Variants in C18orf54 observed in about 807,000 individuals in gnomAD.
C18orf54 encodes the protein chromosome 18 open reading frame 54.
A neutral mutation model predicts 49.3 loss-of-function variants in C18orf54; 49 were observed. The observed-to-expected ratio is 0.99, with a 90% CI of 0.79 to 1.26. The LOEUF is 1.26. Ranked by LOEUF, C18orf54 falls within the 50% of genes most tolerant of loss-of-function variation. The pLI is 0.00. For synonymous variants in C18orf54, 211 were observed against 216.6 expected, an observed-to-expected ratio of 0.97 and a Z score of 0.23; for missense variants, 687 against 620.6, an observed-to-expected ratio of 1.11 and a Z score of -1.14.
In C18orf54 at chr18:54,360,525, A is replaced by G. The variant is rs1282016693; in HGVS notation, c.-46-2A>G. 6.3e-7 allele frequency: 1 copy of G among 1,581,760 alleles called. No homozygotes were observed. The highest frequency in any genetic ancestry group is 8.6e-7 in the Non-Finnish European group (1 of 1,161,566). ...TCTTAACATTTCGTTTTTGTATTAC[A>G]GTTGTTTTTAAGGGAAATGAATAGA... On this transcript the variant is annotated splice_acceptor_variant, in intron 2 of 8. Coordinates refer to ENST00000620105, the MANE Select transcript of C18orf54 (RefSeq NM_001288980.2). LOFTEE classifies it low-confidence loss of function (5UTR_SPLICE).
At chr18:54,365,625 T>C in intron 5 of C18orf54, 94 bp from the exon 6 acceptor site, 3 of 627,046 alleles carry the variant, frequency 4.8e-6, no homozygotes, top group Non-Finnish European at 8.3e-6. Context: ...TGGTGACTAC[T>C]TGTATTTAAA....
chr18:54,375,068 C>G, intron 8 of C18orf54, among the ~76,000 whole-genome samples: 1 of 151,940 alleles, frequency 6.6e-6, no homozygotes, highest in Admixed American at 6.5e-5. Flanking sequence ...TTACTTTTTT[C>G]TCTCTACTTA....
rs919615015 is a variant in C18orf54 at position 54,361,942 on chromosome 18, C to T, written c.583C>T (p.Gln195Ter). Residue 195 changes from glutamine to a stop codon, truncating the protein, a stop_gained, in exon 4 of 9, where the codon CAA (glutamine) becomes TAA (stop). Coordinates refer to ENST00000620105, the MANE Select transcript of C18orf54 (RefSeq NM_001288980.2). LOFTEE classifies it high-confidence loss of function. ...TATACGCTCAAATATAAATGGAAAG[C>T]AATGTGGTAGGCTGAAAAACCCAAA... Reference protein sequence around the residue: ...PVIRSNINGKQCGRLKNPKLM... With the variant: ...PVIRSNINGK 3 of 1,613,960 alleles carry T rather than the reference C, an allele frequency of 1.9e-6. No individual in the cohort carries two copies. Among genetic ancestry groups the T allele is most frequent in the Non-Finnish European group, 1.7e-6 (2 of 1,179,984 alleles).
In C18orf54 at chr18:54,362,338, G is replaced by T. The variant is rs1047538663; in HGVS notation, c.979G>T (p.Glu327Ter). 4 of 1,535,826 alleles carry T rather than the reference G, an allele frequency of 2.6e-6. No homozygotes were observed. The African/African-American group carries it at 5.5e-5, about 21-fold the overall frequency. Residue 327 changes from glutamate to a stop codon, truncating the protein, a stop_gained, in exon 4 of 9, where the codon GAA (glutamate) becomes TAA (stop). Coordinates refer to ENST00000620105, the MANE Select transcript of C18orf54 (RefSeq NM_001288980.2). LOFTEE classifies it high-confidence loss of function. ...NFSNSLSDDK[E>*]LVNEYKCDFE... The stretch of plus-strand genomic sequence containing the variant: ...TTCAAATTCCTTGAGTGATGATAAA[G>T]AATTAGTTAATGAATACAAATGTGA...
At chr18:54,359,807 G>A (rs570960142) in intron 2 of C18orf54, among the ~76,000 whole-genome samples, 1 of 152,274 alleles carries the variant, frequency 6.6e-6, no homozygotes, top group African/African-American at 2.4e-5. Flanking sequence ...TGGAAAAACA[G>A]AAGAACACAT....
At chr18:54,375,806 A>G (rs1052698107) in intron 8 of C18orf54, among the ~76,000 whole-genome samples, 2 of 152,040 alleles carry the variant, frequency 1.3e-5, no homozygotes, top group South Asian at 4.1e-4. Flanking sequence ...TTAGTTATTA[A>G]TTCTGTTGTA....
chr18:54,374,271 A>C lies in C18orf54; in HGVS notation c.1516A>C (p.Arg506=). Residue 506 remains arginine (R), a synonymous_variant, in exon 8 of 9, where the codon AGG becomes CGG. Transcript: ENST00000620105. ...QLKESMIPIT[R]SLQKALHHLS... ...GAAGGAAAGTATGATTCCTATTACTAGGTCACTTCAGAAGTAAGTATTCTT... is the reference window on the plus strand; with the variant it reads ...GAAGGAAAGTATGATTCCTATTACTCGGTCACTTCAGAAGTAAGTATTCTT... 6.3e-7 allele frequency: 1 copy of C among 1,582,740 alleles called. No individual in the cohort carries two copies. Among genetic ancestry groups the C allele is most frequent in the Non-Finnish European group, 8.6e-7 (1 of 1,163,996 alleles).
At chr18:54,363,800 A>T (rs569183799) in intron 5 of C18orf54, 1 of 114,832 alleles carries the variant, frequency 8.7e-6, no homozygotes, top group East Asian at 2.5e-4. Context: ...AGAGTCTATT[A>T]GTTCCTGGAT....
chr18:54,381,955 TATTG>T lies in C18orf54; in HGVS notation c.*3720_*3723del, dbSNP rs1025219320. ...CTGCATTTTACATAGTGGTTTTAAA[TATTG>T]ATTGATTGATATTCTAAACCTGGTT... On this transcript the variant is annotated 3_prime_UTR_variant, in exon 9 of 9. Coordinates refer to ENST00000620105, the MANE Select transcript of C18orf54 (RefSeq NM_001288980.2). 24 of 152,346 alleles carry T rather than the reference TATTG, an allele frequency of 1.6e-4. No homozygotes were observed. Among genetic ancestry groups the T allele is most frequent in the African/African-American group, 4.6e-4 (19 of 41,580 alleles). The allele number at this position is 152,346 out of a possible 1,614,324, so 9.4% of individuals were successfully genotyped here.
rs1441752264 is a variant in C18orf54, at chr18:54,358,060, G to A, written c.-159G>A. On this transcript the variant is annotated 5_prime_UTR_variant, in exon 1 of 9. Transcript: ENST00000620105. ...TGGGTAACAGGCCTGAGCTTTCGGC[G>A]GAGAGCTGTGGAAGTGTGCGGTTTT... 6.5e-6 allele frequency: 1 copy of A among 152,756 alleles called. No homozygotes were observed. Among genetic ancestry groups the A allele is most frequent in the Non-Finnish European group, 1.5e-5 (1 of 68,428 alleles). The allele number at this position is 152,756 out of a possible 1,614,324, so 9.5% of individuals were successfully genotyped here.
Position 54,357,979 on chromosome 18 carries a change from G to A in C18orf54, c.-240G>A. ...TGACTGCGGAGGAAGCTGCGAGTGA[G>A]CCGAGCCTGAGGCGGGGCGGTGTCC... On this transcript the variant is annotated 5_prime_UTR_variant, in exon 1 of 9. Coordinates refer to ENST00000620105, the MANE Select transcript of C18orf54 (RefSeq NM_001288980.2). 6.5e-6 allele frequency: 1 copy of A among 152,912 alleles called. No homozygotes were observed. Among genetic ancestry groups the A allele is most frequent in the Non-Finnish European group, 1.5e-5 (1 of 68,376 alleles). The allele number at this position is 152,912 out of a possible 1,614,324, so 9.5% of individuals were successfully genotyped here. A position where few individuals can be genotyped will look rare whatever the true frequency, so the allele number is the denominator to read the frequency against.
chr18:54,358,489 G>A (rs936404792), intron 1 of C18orf54: 5 of 152,502 alleles, frequency 3.3e-5, no homozygotes, highest in African/African-American at 4.8e-5. Flanking sequence ...ACTTGTCTGT[G>A]TCTGTGACTG....
chr18:54,360,467 ATTTTGT>A, intron 2 of C18orf54, 54 bp from the exon 3 acceptor site: 1 of 1,084,106 alleles, frequency 9.2e-7, no homozygotes, highest in Non-Finnish European at 1.3e-6. Context: ...ATATTTAGTA[ATTTTGT>A]TTGTGTATGG....
intron 8 of C18orf54, 41 bp downstream of exon 8, chr18:54,374,325 C>G: frequency 6.6e-7 from 1 of 1,515,282 alleles, no homozygotes; most frequent in Non-Finnish European, 8.8e-7. Context: ...TCCATCTTAG[C>G]CATTTCTTTG....
intron 3 of C18orf54, among the ~76,000 whole-genome samples, chr18:54,361,340 A>G (rs2089265411): frequency 6.6e-6 from 1 of 152,212 alleles, no homozygotes; most frequent in Non-Finnish European, 1.5e-5. Context: ...GACCAATGTT[A>G]CTGTGATTGT....
Position 54,362,768 on chromosome 18 carries a change from T to C in C18orf54, c.1073-3T>C. ...AGGATTAATAGTCATCTTTTACAAT[T>C]AGGTGACAAAATTGAATTGCTTATC... On this transcript the variant is annotated splice_region_variant and splice_polypyrimidine_tract_variant and intron_variant, in intron 4 of 8. Transcript: ENST00000620105. 1 of 1,601,402 alleles carries C rather than the reference T, an allele frequency of 6.2e-7. No homozygotes were observed. Among genetic ancestry groups the C allele is most frequent in the Non-Finnish European group, 8.5e-7 (1 of 1,176,844 alleles).
At chr18:54,376,199 G>C (rs1207719122) in intron 8 of C18orf54, among the ~76,000 whole-genome samples, 1 of 152,168 alleles carries the variant, frequency 6.6e-6, no homozygotes, top group Non-Finnish European at 1.5e-5. Context: ...TGGCTATCCA[G>C]TTTTAAGATA....
chr18:54,369,028 G>A (rs2089438431), intron 6 of C18orf54, among the ~76,000 whole-genome samples: 1 of 152,042 alleles, frequency 6.6e-6, no homozygotes, highest in Non-Finnish European at 1.5e-5. Context: ...ATGGTTCTTT[G>A]TATTGGAAAA....
intron 8 of C18orf54, among the ~76,000 whole-genome samples, chr18:54,376,250 C>A (rs2089567952): frequency 6.6e-6 from 1 of 152,178 alleles, no homozygotes; most frequent in East Asian, 1.9e-4. Flanking sequence ...AGTAGTCTGG[C>A]CTTGTCTAGT....
Sources: allele counts gnomAD v4.1 joint callset (sites outside exome capture counted in the v4.1 genomes callset), GRCh38; gene constraint gnomAD v4.1.1; transcripts MANE v1.5; gene names NCBI Gene and HGNC (gene_info 2026-07-23, HGNC 2026-07-21).